DCLRE1C: variants seen among roughly 807,000 people sequenced by gnomAD.
The protein encoded by DCLRE1C is DNA cross-link repair 1C.
Under a neutral mutation model 61.4 loss-of-function variants are expected in DCLRE1C, and 47 were observed. The ratio of observed to expected loss-of-function variants is 0.77; its 90% CI spans 0.61 to 0.98. The LOEUF is 0.98. DCLRE1C is among the 50% of genes least tolerant of loss of function. The probability of loss-of-function intolerance (pLI) is 0.00; values close to 1 mark genes in which losing one functional copy is unlikely to be tolerated. For missense variants in DCLRE1C, 858 were observed against 816.0 expected, an observed-to-expected ratio of 1.05 and a Z score of -0.63; for synonymous variants, 337 against 287.6, an observed-to-expected ratio of 1.17 and a Z score of -1.74.
At chr10:14,916,269 G>C (rs1400510982) in intron 13 of DCLRE1C, among the ~76,000 whole-genome samples, 2 of 152,086 alleles carry the variant, frequency 1.3e-5, no homozygotes, top group Admixed American at 6.5e-5. Context: ...AAAACATCCT[G>C]GCTGAAAAGG....
intron 5 of DCLRE1C, among the ~76,000 whole-genome samples, chr10:14,936,220 G>A (rs1213207621): frequency 6.6e-6 from 1 of 151,544 alleles, no homozygotes; most frequent in Non-Finnish European, 1.5e-5. Context: ...TATAAGAAAC[G>A]TTTCAAATCT....
At chr10:14,899,122 C>T in exon 14 of DCLRE1C, 1 of 657,454 alleles carries the variant, frequency 1.5e-6, no homozygotes, top group Non-Finnish European at 2.8e-6. Flanking sequence ...GAGTTCCAGA[C>T]CAGTGTGGGC....
At chr10:14,948,967 C>G in intron 2 of DCLRE1C, 69 bp downstream of exon 2, 2 of 1,114,740 alleles carry the variant, frequency 1.8e-6, no homozygotes, top group Admixed American at 3.5e-5. Flanking sequence ...GATGTATATA[C>G]TTTTCTGTAC....
intron 13 of DCLRE1C, among the ~76,000 whole-genome samples, chr10:14,910,035 A>C (rs1280107730): frequency 6.6e-6 from 1 of 152,214 alleles, no homozygotes; most frequent in Non-Finnish European, 1.5e-5. Context: ...AGTTAAATGC[A>C]CCCAAGACTA....
intron 8 of DCLRE1C, among the ~76,000 whole-genome samples, chr10:14,933,945 G>T (rs545690616): frequency 6.6e-6 from 1 of 152,288 alleles, no homozygotes; most frequent in African/African-American, 2.4e-5. Context: ...CGTCTTGTTA[G>T]GGTGCTTCCA....
intron 12 of DCLRE1C, among the ~76,000 whole-genome samples, chr10:14,922,249 T>C (rs1314703710): frequency 1.3e-5 from 2 of 152,148 alleles, no homozygotes; most frequent in African/African-American, 4.8e-5. Flanking sequence ...GAGACCATCC[T>C]GGTCAACATG....
rs1001734829 is a variant in DCLRE1C at position 14,929,255 on chromosome 10, C to G, written c.781-1103G>C. Among the ~76,000 whole-genome samples the G allele has an allele frequency of 4.6e-5, 7 of 151,920 alleles. No individual in the cohort carries two copies. In the East Asian group the frequency reaches 1.2e-3, roughly 25 times the overall value. The stretch of plus-strand genomic sequence containing the variant: ...CTCTGTCTCTACTAAAAATACAAAA[C>G]TAGCCAGGCATGGTGGCGCATGCCT... On this transcript the variant is annotated intron_variant, in intron 9 of 13. Coordinates refer to ENST00000378278, the MANE Select transcript of DCLRE1C (RefSeq NM_001033855.3).
In DCLRE1C at chr10:14,945,089, A is replaced by C. The variant is rs1283694466; in HGVS notation, c.246+16T>G. 7 of 1,594,972 alleles carry C rather than the reference A, an allele frequency of 4.4e-6. No homozygotes were observed. The highest frequency in any genetic ancestry group is 6.0e-6 in the Non-Finnish European group (7 of 1,169,622). ...CCACTTAAAAAAAATTAAGTTATTA[A>C]AAAAATAAAACTTACAATTCGTTTC... On this transcript the variant is annotated intron_variant, in intron 3 of 13. Coordinates refer to ENST00000378278, the MANE Select transcript of DCLRE1C (RefSeq NM_001033855.3).
intron 13 of DCLRE1C, among the ~76,000 whole-genome samples, chr10:14,917,487 A>T (rs901260160): frequency 1.2e-4 from 16 of 138,624 alleles, no homozygotes; most frequent in Admixed American, 2.9e-4. Context: ...TGATATATTT[A>T]AAAAAAAAAA....
chr10:14,932,419 C>T (rs1036600720), intron 9 of DCLRE1C, among the ~76,000 whole-genome samples: 4 of 151,986 alleles, frequency 2.6e-5, no homozygotes, highest in Admixed American at 6.6e-5. Context: ...AGGCGGATCA[C>T]GAGGTCAGGA....
In DCLRE1C at chr10:14,914,172, A is replaced by G. The variant is rs557765906; in HGVS notation, c.1157-4842T>C. Among the ~76,000 whole-genome samples, 24 of 152,332 alleles carry G rather than the reference A, an allele frequency of 1.6e-4. No individual in the cohort carries two copies. In the South Asian group the frequency reaches 4.1e-3, roughly 26 times the overall value. On this transcript the variant is annotated intron_variant, in intron 13 of 13. Transcript: ENST00000378278. ...TACAAGAAACCCACTTTAAATATAA[A>G]GACTAGTTAAAAATACAGAGATGGA...
chr10:14,939,419 G>C (rs1840503800), intron 4 of DCLRE1C, among the ~76,000 whole-genome samples: 1 of 141,664 alleles, frequency 7.1e-6, no homozygotes, highest in Non-Finnish European at 1.5e-5. Flanking sequence ...ACTCCAGCCT[G>C]GGTGACGGAG....
At chr10:14,913,803 C>T (rs553527386) in intron 13 of DCLRE1C, among the ~76,000 whole-genome samples, 1 of 152,104 alleles carries the variant, frequency 6.6e-6, no homozygotes, top group Non-Finnish European at 1.5e-5. Flanking sequence ...AATGTAACAC[C>T]ATTTAATATG....
chr10:14,922,800 C>G (rs1837333203), intron 12 of DCLRE1C, among the ~76,000 whole-genome samples, 181 bp downstream of exon 12: 1 of 152,158 alleles, frequency 6.6e-6, no homozygotes, highest in Non-Finnish European at 1.5e-5. Context: ...CTACCTATAC[C>G]TTCTGCCACA....
At chr10:14,946,462 G>A (rs572811364) in intron 2 of DCLRE1C, among the ~76,000 whole-genome samples, 5 of 152,206 alleles carry the variant, frequency 3.3e-5, no homozygotes, top group African/African-American at 9.6e-5. Context: ...ACTGACTGGC[G>A]GGGTCTATGT....
intron 2 of DCLRE1C, among the ~76,000 whole-genome samples, chr10:14,946,404 C>T (rs1841695506): frequency 6.6e-6 from 1 of 152,182 alleles, no homozygotes; most frequent in Non-Finnish European, 1.5e-5. Context: ...CAATGACATA[C>T]ACCATCCATA....
intron 3 of DCLRE1C, among the ~76,000 whole-genome samples, chr10:14,942,792 A>C (rs1438307698): frequency 6.6e-6 from 1 of 152,086 alleles, no homozygotes; most frequent in African/African-American, 2.4e-5. Flanking sequence ...CAGCTTGCCC[A>C]AATGTGGGTA....
chr10:14,897,505 A>G lies in DCLRE1C; in HGVS notation c.*1659T>C, dbSNP rs763345695. The stretch of plus-strand genomic sequence containing the variant: ...TTAAAAGAATGAGTTTTGTCATGGA[A>G]TATGTTGGAGAGGTATGTTTCATTT... On this transcript the variant is annotated 3_prime_UTR_variant, in exon 14 of 14. Transcript: ENST00000378289. 1.2e-5 allele frequency: 19 copies of G among 1,558,938 alleles called. No homozygotes were observed. In the African/African-American group the frequency reaches 2.2e-4, roughly 18 times the overall value.
In DCLRE1C at chr10:14,919,016, G is replaced by A. The variant is rs1450307364; in HGVS notation, c.1156+722C>T. Among the ~76,000 whole-genome samples the A allele has an allele frequency of 5.9e-5, 9 of 152,018 alleles. No homozygotes were observed. In the South Asian group the frequency reaches 1.0e-3, roughly 17 times the overall value. ...GTTTAGAGGCTTATCTATAACATAT[G>A]TAAGGGACCTAGCACAATACCTGCC... On this transcript the variant is annotated intron_variant, in intron 13 of 13. Transcript: ENST00000378278.
Sources: allele counts gnomAD v4.1 joint callset (sites outside exome capture counted in the v4.1 genomes callset), GRCh38; gene constraint gnomAD v4.1.1; transcripts MANE v1.5; gene names NCBI Gene and HGNC (gene_info 2026-07-23, HGNC 2026-07-21).